Variants in TP63 observed in about 807,000 individuals in gnomAD.
The protein encoded by TP63 is tumor protein p63.
TP63 carries 17 observed loss-of-function variants against 82.8 expected under a neutral mutation model. The observed-to-expected ratio is 0.21, with a 90% confidence interval of 0.14 to 0.31. The LOEUF (loss-of-function observed/expected upper bound fraction) is 0.31, where lower values mean the gene tolerates loss of function less well. TP63 is among the 10% of genes least tolerant of loss of function. The pLI is 1.00. For missense variants in TP63, 648 were observed against 895.3 expected (o/e 0.72, Z 3.52); for synonymous variants, 330 against 321.7 (o/e 1.03, Z -0.28).
intron 4 of TP63, among the ~76,000 whole-genome samples, chr3:189,849,701 A>C (rs1715378963): frequency 6.6e-6 from 1 of 151,928 alleles, no homozygotes; most frequent in Non-Finnish European, 1.5e-5. Flanking sequence ...CTTTGGATCA[A>C]CTCCCTTAGT....
chr3:189,756,153 G>A (rs970635989), intron 3 of TP63, among the ~76,000 whole-genome samples: 3 of 152,060 alleles, frequency 2.0e-5, no homozygotes, highest in Non-Finnish European at 4.4e-5. Flanking sequence ...TATCCCAAAT[G>A]CTTTTATCCC....
upstream of TP63, among the ~76,000 whole-genome samples, chr3:189,628,794 A>G (rs1374579056): frequency 2.0e-5 from 3 of 152,162 alleles, no homozygotes; most frequent in African/African-American, 7.2e-5. Context: ...TGGTAATTAT[A>G]ATATGATTGC....
the TP63 span, among the ~76,000 whole-genome samples, chr3:189,620,768 G>A: frequency 6.6e-6 from 1 of 152,170 alleles, no homozygotes; most frequent in African/African-American, 2.4e-5. Flanking sequence ...TGACAGCAGA[G>A]TGAATCCAAG....
At chr3:189,869,235 A>G (rs765954893) in intron 8 of TP63, 89 bp from the exon 9 acceptor site, 1 of 983,748 alleles carries the variant, frequency 1.0e-6, no homozygotes, top group African/African-American at 1.6e-5. Context: ...AATCTGATTA[A>G]CATTAATATT....
upstream of TP63, chr3:189,631,149 A>T: frequency 1.2e-6 from 1 of 825,074 alleles, no homozygotes; most frequent in Non-Finnish European, 1.5e-6. Flanking sequence ...TCCAATCACG[A>T]CAGAGATCAG....
At chr3:189,802,399 A>G (rs956775107) in intron 3 of TP63, among the ~76,000 whole-genome samples, 5 of 152,186 alleles carry the variant, frequency 3.3e-5, no homozygotes, top group Non-Finnish European at 7.4e-5. Flanking sequence ...GGACATCTGT[A>G]TAGAGAGAGA....
intron 10 of TP63, among the ~76,000 whole-genome samples, chr3:189,875,610 A>G (rs1216071491): frequency 1.6e-5 from 1 of 63,362 alleles, no homozygotes; most frequent in South Asian, 4.1e-4. Context: ...ATATATATAT[A>G]TATATATATA....
At chr3:189,815,619 CA>C (rs1346823684) in intron 4 of TP63, among the ~76,000 whole-genome samples, 2 of 151,510 alleles carry the variant, frequency 1.3e-5, no homozygotes, top group Non-Finnish European at 2.9e-5. Flanking sequence ...GATACTAATT[CA>C]AAAAAAAGTT....
intron 1 of TP63, among the ~76,000 whole-genome samples, chr3:189,677,026 T>C (rs926060031): frequency 1.3e-4 from 19 of 142,528 alleles, no homozygotes; most frequent in Non-Finnish European, 2.3e-4. Flanking sequence ...TTCTGCTCTC[T>C]ATGTCCACGT....
rs757932730 is a variant in TP63, at chr3:189,737,795, A to G, written c.118A>G (p.Met40Val). 1.2e-6 allele frequency: 2 copies of G among 1,614,014 alleles called. No homozygotes were observed. The highest frequency in any genetic ancestry group is 1.7e-5 in the Admixed American group (1 of 60,030). ...GAAAGAAAGTTATTACCGATCCACC[A>G]TGTCCCAGAGCACACAGACAAATGA... The part of the protein sequence containing the change: ...SWKESYYRST[M>V]SQSTQTNEFL... The change falls in exon 2 of 14, where the codon ATG becomes GTG. Residue 40 changes from methionine to valine, a missense_variant. Met to Val is a conservative substitution (Grantham distance 21, BLOSUM62 1). Transcript: ENST00000264731.
At chr3:189,726,175 A>G (rs1056311604) in intron 1 of TP63, among the ~76,000 whole-genome samples, 13 of 152,138 alleles carry the variant, frequency 8.5e-5, no homozygotes, top group Non-Finnish European at 1.6e-4. Context: ...GTTCCTCCAT[A>G]TGAACGTCAC....
intron 4 of TP63, among the ~76,000 whole-genome samples, chr3:189,828,785 T>A (rs1711845097): frequency 6.6e-6 from 1 of 152,242 alleles, no homozygotes. Context: ...TAAATCTTGA[T>A]ATCTTTTTCC....
At chr3:189,810,859 CAAAAA>C (rs11474103) in intron 4 of TP63, among the ~76,000 whole-genome samples, 1 of 120,230 alleles carries the variant, frequency 8.3e-6, no homozygotes, top group Non-Finnish European at 1.7e-5. Context: ...AGTCCGTCTC[CAAAAA>C]AAAAAAAAAA....
intron 3 of TP63, among the ~76,000 whole-genome samples, chr3:189,741,192 CTCTG>C (rs1485889906): frequency 2.9e-5 from 4 of 138,128 alleles, no homozygotes; most frequent in Non-Finnish European, 6.2e-5. Flanking sequence ...TCTGTGGCTG[CTCTG>C]TCTGTGGAAA....
intron 3 of TP63, among the ~76,000 whole-genome samples, chr3:189,773,204 A>G (rs536803372): frequency 6.6e-6 from 1 of 152,216 alleles, no homozygotes; most frequent in Non-Finnish European, 1.5e-5. Context: ...AGAAACTTCT[A>G]CTGTACCAAG....
intron 4 of TP63, among the ~76,000 whole-genome samples, chr3:189,853,471 G>T (rs2108771145): frequency 6.6e-6 from 1 of 152,270 alleles, no homozygotes; most frequent in Non-Finnish European, 1.5e-5. Flanking sequence ...TTTAGCACTT[G>T]CTGTCTCTAG....
intron 5 of TP63, among the ~76,000 whole-genome samples, chr3:189,865,648 G>A (rs946447883): frequency 2.0e-5 from 3 of 151,978 alleles, no homozygotes; most frequent in Non-Finnish European, 4.4e-5. Context: ...AGAATGGATC[G>A]GAATTTAAAA....
intron 1 of TP63, among the ~76,000 whole-genome samples, chr3:189,654,017 A>C (rs1285566276): frequency 6.6e-6 from 1 of 152,176 alleles, no homozygotes; most frequent in East Asian, 1.9e-4. Flanking sequence ...AAAGATTCAA[A>C]TAATGACTAG....
intron 1 of TP63, among the ~76,000 whole-genome samples, chr3:189,673,776 A>G (rs1577215754): frequency 2.0e-5 from 3 of 152,262 alleles, no homozygotes; most frequent in Admixed American, 6.5e-5. Context: ...TCTGCAATTT[A>G]CTTAGCTTAA....
Sources: allele counts gnomAD v4.1 joint callset (sites outside exome capture counted in the v4.1 genomes callset), GRCh38; gene constraint gnomAD v4.1.1; transcripts MANE v1.5; gene names NCBI Gene and HGNC (gene_info 2026-07-23, HGNC 2026-07-21).